The following PANX1 variants were observed in gnomAD, a reference collection of about 807,000 sequenced individuals.
PANX1 encodes pannexin 1.
PANX1 carries 30 observed loss-of-function variants against 38.7 expected under a neutral mutation model. That is an observed-to-expected ratio of 0.78 (90% confidence interval 0.58 to 1.05). The LOEUF is 1.05. Ranked by LOEUF, PANX1 falls within the 50% of genes least tolerant of loss-of-function variation. The pLI is 0.00. For synonymous variants in PANX1, 230 were observed against 212.2 expected (o/e 1.08, Z -0.73); for missense variants, 551 against 517.2 (o/e 1.07, Z -0.63).
chr11:94,178,371 T>A lies in PANX1; in HGVS notation c.324T>A (p.Phe108Leu). Residue 108 changes from phenylalanine (F) to leucine (L), a missense_variant and splice_region_variant, in exon 3 of 5, where the codon TTT (phenylalanine) becomes TTA (leucine). Physicochemically the swap from Phe to Leu is conservative, Grantham distance 22 (BLOSUM62 0). Transcript: ENST00000227638. Reference sequence around the variant, plus strand: ...TGATTTGTTCTCTTGTTTTTCAGTTTTTCCCCTACATCCTGCTGCTCTTTG... The same window carrying A: ...TGATTTGTTCTCTTGTTTTTCAGTTATTCCCCTACATCCTGCTGCTCTTTG... Reference protein sequence around the residue: ...SGNLPLWLHKFFPYILLLFAI... With the variant: ...SGNLPLWLHKLFPYILLLFAI... 1 of 1,613,500 alleles carries A rather than the reference T, an allele frequency of 6.2e-7. No homozygotes were observed. The highest frequency in any genetic ancestry group is 8.5e-7 in the Non-Finnish European group (1 of 1,179,454).
At chr11:94,152,404 C>T (rs1591513011) in intron 1 of PANX1, among the ~76,000 whole-genome samples, 1 of 152,176 alleles carries the variant, frequency 6.6e-6, no homozygotes, top group African/African-American at 2.4e-5. Context: ...ACTCACCCTG[C>T]TGAGAGTGGC....
chr11:94,132,240 C>G (rs1449714899), intron 1 of PANX1, among the ~76,000 whole-genome samples: 1 of 152,236 alleles, frequency 6.6e-6, no homozygotes, highest in African/African-American at 2.4e-5. Context: ...ACATAAGAAT[C>G]TTTCCTCTGG....
intron 1 of PANX1, among the ~76,000 whole-genome samples, chr11:94,145,989 A>G (rs1946825006): frequency 6.6e-6 from 1 of 152,236 alleles, no homozygotes; most frequent in African/African-American, 2.4e-5. Flanking sequence ...CTTAGTAACA[A>G]GGAGCACATC....
intron 1 of PANX1, among the ~76,000 whole-genome samples, chr11:94,150,455 A>G (rs749182272): frequency 6.6e-6 from 1 of 152,180 alleles, no homozygotes. Context: ...ACCTCCCAAT[A>G]TTATCTTGAA....
Position 94,180,069 on chromosome 11 carries a change from AT to A in PANX1, c.1014del (p.Asn338LysfsTer2), listed in dbSNP as rs1424865713. 1 of 1,613,360 alleles carries A rather than the reference AT, an allele frequency of 6.2e-7. No individual in the cohort carries two copies. The highest frequency in any genetic ancestry group is 1.7e-5 in the Admixed American group (1 of 59,990). ...CTCTACAATCTCTTCTTGGAGGAAA[AT>A]ATAAGTGAGGTCAAGTCATACAAGT... ...LSLYNLFLEE[N>X]ISEVKSYKCL... On this transcript the variant is annotated frameshift_variant, in exon 4 of 5. Transcript: ENST00000227638. LOFTEE classifies it high-confidence loss of function.
intron 2 of PANX1, among the ~76,000 whole-genome samples, chr11:94,163,877 G>C (rs912343879): frequency 2.6e-5 from 4 of 152,076 alleles, no homozygotes; most frequent in African/African-American, 9.7e-5. Flanking sequence ...TTCTTTGATG[G>C]GAGACTTATT....
intron 2 of PANX1, among the ~76,000 whole-genome samples, chr11:94,163,302 A>G (rs1428991080): frequency 6.6e-6 from 1 of 152,218 alleles, no homozygotes; most frequent in Non-Finnish European, 1.5e-5. Context: ...TCCTTGTTCC[A>G]TATCTTAGAG....
chr11:94,156,059 A>C (rs1333072539), intron 2 of PANX1, among the ~76,000 whole-genome samples: 1 of 104,482 alleles, frequency 9.6e-6, no homozygotes, highest in East Asian at 2.3e-4. Flanking sequence ...GATCCGCAGG[A>C]GAATTGTCTA....
chr11:94,165,390 A>C (rs1255996113), intron 2 of PANX1, among the ~76,000 whole-genome samples: 1 of 151,884 alleles, frequency 6.6e-6, no homozygotes, highest in Non-Finnish European at 1.5e-5. Flanking sequence ...GTACATGTGC[A>C]CAACGTGCAG....
chr11:94,158,819 C>G (rs1423891419), intron 2 of PANX1, among the ~76,000 whole-genome samples: 1 of 152,184 alleles, frequency 6.6e-6, no homozygotes, highest in Non-Finnish European at 1.5e-5. Context: ...GCATCCCTGT[C>G]TTGTGCCAGT....
chr11:94,166,936 A>G (rs574496698), intron 2 of PANX1, among the ~76,000 whole-genome samples: 1 of 152,312 alleles, frequency 6.6e-6, no homozygotes, highest in South Asian at 2.1e-4. Flanking sequence ...GGGCTTGTCC[A>G]AGGCCTACAG....
intron 2 of PANX1, among the ~76,000 whole-genome samples, chr11:94,161,876 G>A (rs1379509828): frequency 6.6e-6 from 1 of 152,098 alleles, no homozygotes; most frequent in Non-Finnish European, 1.5e-5. Flanking sequence ...TTTGATGATG[G>A]TGATGTACAG....
intron 2 of PANX1, among the ~76,000 whole-genome samples, chr11:94,170,348 A>G (rs1947151545): frequency 6.6e-6 from 1 of 151,802 alleles, no homozygotes; most frequent in Non-Finnish European, 1.5e-5. Context: ...TCACTGAAGA[A>G]AATGTTTTCA....
At chr11:94,140,997 C>T (rs376521352) in intron 1 of PANX1, among the ~76,000 whole-genome samples, 7 of 151,976 alleles carry the variant, frequency 4.6e-5, no homozygotes, top group Admixed American at 3.9e-4. Context: ...TGTAATATCC[C>T]ACATCAGTAG....
intron 1 of PANX1, among the ~76,000 whole-genome samples, chr11:94,139,775 A>C (rs935589719): frequency 6.6e-6 from 1 of 152,214 alleles, no homozygotes; most frequent in Non-Finnish European, 1.5e-5. Context: ...AGGGTTGTGC[A>C]TCCCAACTCC....
At chr11:94,136,862 G>T (rs975372505) in intron 1 of PANX1, among the ~76,000 whole-genome samples, 5 of 152,314 alleles carry the variant, frequency 3.3e-5, no homozygotes, top group Admixed American at 6.5e-5. Flanking sequence ...TTAAAGAAAA[G>T]TTTATGTGGC....
At chr11:94,161,964 TG>T (rs1381234182) in intron 2 of PANX1, among the ~76,000 whole-genome samples, 9 of 152,242 alleles carry the variant, frequency 5.9e-5, no homozygotes, top group Admixed American at 5.9e-4. Flanking sequence ...GCAGGTGTGT[TG>T]GAGTTTGCCA....
intron 3 of PANX1, among the ~76,000 whole-genome samples, 185 bp downstream of exon 3, chr11:94,178,777 C>T (rs7937084): frequency 5.6e-4 from 85 of 152,218 alleles, no homozygotes; most frequent in African/African-American, 1.7e-3. Flanking sequence ...AATCTCACCG[C>T]GACCCATCCT....
chr11:94,134,839 A>G (rs1403422486), intron 1 of PANX1, among the ~76,000 whole-genome samples: 1 of 152,168 alleles, frequency 6.6e-6, no homozygotes, highest in Non-Finnish European at 1.5e-5. Flanking sequence ...ATCTGCTGGT[A>G]CCTTGATCTT....
Sources: allele counts gnomAD v4.1 joint callset (sites outside exome capture counted in the v4.1 genomes callset), GRCh38; gene constraint gnomAD v4.1.1; transcripts MANE v1.5; gene names NCBI Gene and HGNC (gene_info 2026-07-23, HGNC 2026-07-21).